OS9: variants seen among roughly 807,000 people sequenced by gnomAD.
OS9 encodes OS9 endoplasmic reticulum lectin.
In OS9, 58 loss-of-function variants were observed where a neutral mutation model predicts 84.7. The observed-to-expected ratio is 0.68, with a 90% CI of 0.55 to 0.85. The LOEUF (loss-of-function observed/expected upper bound fraction) is 0.85. Among genes scored for constraint, OS9 ranks in the 40% least tolerant of loss-of-function variants. The pLI, the probability that OS9 is intolerant of heterozygous loss-of-function variation, is 0.00. For synonymous variants in OS9, 278 were observed against 320.8 expected, an observed-to-expected ratio of 0.87 and a Z score of 1.43; for missense variants, 760 against 850.9, an observed-to-expected ratio of 0.89 and a Z score of 1.33.
At chr12:57,719,261 C>A in intron 12 of OS9, 79 bp downstream of exon 12, 1 of 1,244,624 alleles carries the variant, frequency 8.0e-7, no homozygotes, top group Non-Finnish European at 1.1e-6. Context: ...AGAGGGGACC[C>A]TGTTCCTTCC....
In OS9 at chr12:57,695,855, C is replaced by T; in HGVS notation, c.403+12C>T. On this transcript the variant is annotated intron_variant, in intron 3 of 14. Transcript: ENST00000315970. ...ATACCACATGGAAGGTAACTCACTC[C>T]TATATTTTCCTTAAGCCCTTAGTGT... 1 of 1,603,334 alleles carries T rather than the reference C, an allele frequency of 6.2e-7. No individual in the cohort carries two copies. The highest frequency in any genetic ancestry group is 8.5e-7 in the Non-Finnish European group (1 of 1,170,122).
intron 5 of OS9, among the ~76,000 whole-genome samples, chr12:57,706,800 T>TA (rs1954180677): frequency 7.1e-6 from 1 of 140,808 alleles, no homozygotes. Context: ...TAGGAGCTGT[T>TA]ATCACGCCAC....
chr12:57,720,901 G>T lies in OS9; in HGVS notation c.1996G>T (p.Asp666Tyr). The change falls in exon 15 of 15, where the codon GAC becomes TAC. Residue 666 changes from aspartate to tyrosine, a missense_variant. Coordinates refer to ENST00000315970, the MANE Select transcript of OS9 (RefSeq NM_006812.4). ...GEGTGDLDEF[D>Y]F ...GGGCACAGGGGACCTGGACGAATTTGACTTCTGAGACCAACACTACACTTG... is the reference window on the plus strand; with the variant it reads ...GGGCACAGGGGACCTGGACGAATTTTACTTCTGAGACCAACACTACACTTG... The T allele has an allele frequency of 1.2e-6, 2 of 1,614,170 alleles. No homozygotes were observed. Among genetic ancestry groups the T allele is most frequent in the South Asian group, 2.2e-5 (2 of 91,068 alleles).
At position 57,695,048 on chromosome 12, in the gene OS9, A is replaced by T. The variant is rs574666891; in HGVS notation, c.339+122A>T. The T allele has an allele frequency of 1.5e-5, 12 of 775,594 alleles. No individual in the cohort carries two copies. The Admixed American group carries it at 2.9e-4, about 19-fold the overall frequency. 48.0% of individuals were successfully genotyped at this position (775,594 alleles called of 1,614,324 possible). On this transcript the variant is annotated intron_variant, in intron 2 of 14. Transcript: ENST00000315970. ...TAGTGGTTAAGAAGACCACTGGAGGAGTAGACAGATTACACGGACAGGAAA... is the reference window on the plus strand; with the variant it reads ...TAGTGGTTAAGAAGACCACTGGAGGTGTAGACAGATTACACGGACAGGAAA...
intron 8 of OS9, 88 bp downstream of exon 8, chr12:57,716,600 G>A (rs1260592172): frequency 6.6e-7 from 1 of 1,507,090 alleles, no homozygotes; most frequent in Non-Finnish European, 9.2e-7. Flanking sequence ...CATCTACCTA[G>A]GGATGCAAGG....
intron 5 of OS9, among the ~76,000 whole-genome samples, chr12:57,707,573 A>T (rs1954207678): frequency 6.6e-6 from 1 of 152,064 alleles, no homozygotes; most frequent in Admixed American, 6.6e-5. Flanking sequence ...TAATTTTTTT[A>T]TTTTTAGTAG....
At position 57,719,944 on chromosome 12, in the gene OS9, C is replaced by T. The variant is rs999984764; in HGVS notation, c.1601-155C>T. On this transcript the variant is annotated intron_variant, in intron 12 of 14. Transcript: ENST00000315970. ...GCTCTACAGGCTGAACTGGGAGGGG[C>T]GGGGCACACATTTTTTTGAGCCCTG... 19 of 678,478 alleles carry T rather than the reference C, an allele frequency of 2.8e-5. No individual in the cohort carries two copies. In the South Asian group the frequency reaches 2.8e-4, roughly 10 times the overall value. The allele number at this position is 678,478 out of a possible 1,614,324, so 42.0% of individuals were successfully genotyped here. A position where few individuals can be genotyped will look rare whatever the true frequency, so the allele number is the denominator to read the frequency against.
At chr12:57,710,717 C>T (rs146907854) in intron 5 of OS9, among the ~76,000 whole-genome samples, 52 of 152,068 alleles carry the variant, frequency 3.4e-4, no homozygotes, top group African/African-American at 1.2e-3. Context: ...ATACAAAACC[C>T]AGAAAGTATT....
rs1236718770 is a variant in OS9, at chr12:57,697,887, A to ACG, written c.579+1515_579+1516insGC. On this transcript the variant is annotated intron_variant, in intron 5 of 14. Coordinates refer to ENST00000315970, the MANE Select transcript of OS9 (RefSeq NM_006812.4). ...AACACACACACACACACACACACAC[A>ACG]CACGGAACCTAACATAAGCAAACAC... Among the ~76,000 whole-genome samples the ACG allele has an allele frequency of 2.3e-3, 335 of 144,334 alleles. 7 individuals carry two copies. The highest frequency in any genetic ancestry group is 8.3e-3 in the African/African-American group (322 of 39,006). 94.7% of individuals were successfully genotyped at this position (144,334 alleles called of 152,430 possible).
rs772751383 is a variant in OS9 at position 57,716,660 on chromosome 12, T to G, written c.994-33T>G. The G allele has an allele frequency of 9.9e-6, 16 of 1,610,146 alleles. No homozygotes were observed. The South Asian group carries it at 1.8e-4, about 18-fold the overall frequency. ...TAGTATGGAGGGCATGAACAGGCTT[T>G]CATACTTGACTCTCTCCTTTTCTCC... On this transcript the variant is annotated intron_variant, in intron 8 of 14. Coordinates refer to ENST00000315970, the MANE Select transcript of OS9 (RefSeq NM_006812.4).
chr12:57,695,103 C>T, intron 2 of OS9, 177 bp downstream of exon 2: 1 of 613,252 alleles, frequency 1.6e-6, no homozygotes, highest in Non-Finnish European at 2.9e-6. Context: ...CCACTGATGA[C>T]ACTTTGCTGA....
At chr12:57,718,936 G>T in intron 11 of OS9, 57 bp from the exon 12 acceptor site, 1 of 1,306,136 alleles carries the variant, frequency 7.7e-7, no homozygotes. Flanking sequence ...AGCCCAGCCC[G>T]CTGGCTGCCT....
intron 5 of OS9, among the ~76,000 whole-genome samples, chr12:57,703,151 G>A (rs971933437): frequency 2.0e-4 from 31 of 152,230 alleles, no homozygotes; most frequent in Middle Eastern, 3.4e-3. Flanking sequence ...CGCCTCCCAG[G>A]TTCAAGCGAT....
chr12:57,708,470 A>G (rs1335229638), intron 5 of OS9, among the ~76,000 whole-genome samples: 1 of 151,964 alleles, frequency 6.6e-6, no homozygotes, highest in Non-Finnish European at 1.5e-5. Flanking sequence ...CATCTCTACA[A>G]AAAAATATTT....
intron 5 of OS9, among the ~76,000 whole-genome samples, chr12:57,712,196 A>G (rs1954352850): frequency 6.6e-6 from 1 of 152,174 alleles, no homozygotes; most frequent in Non-Finnish European, 1.5e-5. Flanking sequence ...TTCTTAAGAT[A>G]GAAGGGTAGA....
At chr12:57,720,078 C>T in intron 12 of OS9, 21 bp from the exon 13 acceptor site, 1 of 1,610,914 alleles carries the variant, frequency 6.2e-7, no homozygotes, top group Admixed American at 1.7e-5. Context: ...TTGTGTTTCC[C>T]TGTGTGTCTC....
chr12:57,698,297 C>A (rs573460641), intron 5 of OS9, among the ~76,000 whole-genome samples: 16 of 99,532 alleles, frequency 1.6e-4, no homozygotes, highest in African/African-American at 5.2e-4. Flanking sequence ...GTATATAATC[C>A]GTTATAGCAC....
At chr12:57,716,287 G>GGGGGGGGGT in intron 7 of OS9, 94 bp downstream of exon 7, 1 of 745,066 alleles carries the variant, frequency 1.3e-6, no homozygotes, top group Non-Finnish European at 2.3e-6. Flanking sequence ...GGTGGGGGGG[G>GGGGGGGGGT]GTGGAAAAGT....
At position 57,716,416 on chromosome 12, in the gene OS9, G is replaced by A. The variant is rs774754332; in HGVS notation, c.897G>A (p.Ala299=). ...SGVAPQKMAG[A]SPTKDDSKDS... Reference sequence around the variant, plus strand: ...TCCCTGTTCTCTGTACCCTAGGTGCGAGCCCGACCAAGGATGACAGTAAGG... The same window carrying A: ...TCCCTGTTCTCTGTACCCTAGGTGCAAGCCCGACCAAGGATGACAGTAAGG... The change falls in exon 8 of 15, where the codon GCG becomes GCA. Residue 299 remains alanine, a synonymous_variant. Transcript: ENST00000315970. 4.5e-6 allele frequency: 7 copies of A among 1,555,166 alleles called. No homozygotes were observed. Among genetic ancestry groups the A allele is most frequent in the Non-Finnish European group, 3.5e-6 (4 of 1,148,684 alleles).
Sources: allele counts gnomAD v4.1 joint callset (sites outside exome capture counted in the v4.1 genomes callset), GRCh38; gene constraint gnomAD v4.1.1; transcripts MANE v1.5; gene names NCBI Gene and HGNC (gene_info 2026-07-23, HGNC 2026-07-21).